Variants in EPB41L5 observed in about 807,000 individuals in gnomAD.
EPB41L5 encodes the protein erythrocyte membrane protein band 4.1 like 5.
A neutral mutation model predicts 106.6 loss-of-function variants in EPB41L5; 55 were observed. The ratio of observed to expected loss-of-function variants is 0.52; its 90% CI spans 0.42 to 0.65. The LOEUF is 0.65. Among genes scored for constraint, EPB41L5 ranks in the 30% least tolerant of loss-of-function variants. The pLI, the probability that EPB41L5 is intolerant of heterozygous loss-of-function variation, is 0.00. For missense variants in EPB41L5, 871 were observed against 882.1 expected, an observed-to-expected ratio of 0.99 and a Z score of 0.16; for synonymous variants, 297 against 306.7, an observed-to-expected ratio of 0.97 and a Z score of 0.33.
chr2:120,168,071 C>T (rs1687496509), intron 24 of EPB41L5, 64 bp downstream of exon 24: 2 of 1,534,506 alleles, frequency 1.3e-6, no homozygotes, highest in Non-Finnish European at 1.8e-6. Context: ...AATAATAAAA[C>T]TTATTATCTC....
chr2:120,111,402 C>T (rs555021838), intron 16 of EPB41L5, among the ~76,000 whole-genome samples: 2 of 152,234 alleles, frequency 1.3e-5, no homozygotes, highest in South Asian at 2.1e-4. Flanking sequence ...TGTTGCTAAG[C>T]GTGTCTTGGG....
intron 16 of EPB41L5, among the ~76,000 whole-genome samples, chr2:120,122,495 G>A (rs1468625745): frequency 2.0e-5 from 3 of 152,120 alleles, no homozygotes; most frequent in South Asian, 2.1e-4. Context: ...TAGATGTGTG[G>A]TGTTATTTCT....
chr2:120,052,219 C>G (rs1680335461), intron 3 of EPB41L5, among the ~76,000 whole-genome samples: 1 of 152,150 alleles, frequency 6.6e-6, no homozygotes, highest in Non-Finnish European at 1.5e-5. Context: ...GACTTTGAAG[C>G]TTTTGAAGAT....
In EPB41L5 at chr2:120,127,614, A is replaced by G. The variant is rs1336391422; in HGVS notation, c.1338-74A>G. 3.2e-6 allele frequency: 4 copies of G among 1,236,612 alleles called. No individual in the cohort carries two copies. The East Asian group carries it at 9.9e-5, about 31-fold the overall frequency. 76.6% of individuals were successfully genotyped at this position (1,236,612 alleles called of 1,614,324 possible). Reference sequence around the variant, plus strand: ...CACAGATGTGGTGGAAATTGCAGATACAGAGGGTGAGTAGTGTTTTAATTT... The same window carrying G: ...CACAGATGTGGTGGAAATTGCAGATGCAGAGGGTGAGTAGTGTTTTAATTT... On this transcript the variant is annotated intron_variant, in intron 16 of 24. Transcript: ENST00000263713.
At chr2:120,129,241 C>CAT (rs1685592801) in intron 17 of EPB41L5, among the ~76,000 whole-genome samples, 1 of 151,634 alleles carries the variant, frequency 6.6e-6, no homozygotes, top group South Asian at 2.1e-4. Context: ...GAGGCTGAGA[C>CAT]ATGAGAATCG....
rs181593228 is a variant in EPB41L5, at chr2:120,040,060, G to A, written c.181-1946G>A. The stretch of plus-strand genomic sequence containing the variant: ...TATTACTAAAGCTTTCTGAACTTTT[G>A]TCTGTGCTTTTTATATATATATATA... On this transcript the variant is annotated intron_variant, in intron 2 of 24. Transcript: ENST00000263713. Among the ~76,000 whole-genome samples, 687 of 148,494 alleles carry A rather than the reference G, an allele frequency of 4.6e-3. 6 individuals carry two copies. The highest frequency in any genetic ancestry group is 0.015 in the African/African-American group (589 of 39,960).
chr2:120,048,463 T>A (rs1192467307), intron 3 of EPB41L5, among the ~76,000 whole-genome samples: 1 of 152,198 alleles, frequency 6.6e-6, no homozygotes, highest in Admixed American at 6.5e-5. Flanking sequence ...GTTTATAGTA[T>A]TCTCTGATGG....
chr2:120,039,757 G>A (rs889313430), intron 2 of EPB41L5, among the ~76,000 whole-genome samples: 28 of 151,680 alleles, frequency 1.8e-4, no homozygotes, highest in Non-Finnish European at 3.2e-4. Context: ...CCCAGGAAGC[G>A]GAGGTTTCAG....
intron 20 of EPB41L5, among the ~76,000 whole-genome samples, chr2:120,151,610 CTT>C (rs529496809): frequency 2.7e-4 from 32 of 116,760 alleles, no homozygotes; most frequent in Admixed American, 3.3e-4. Context: ...GCGTCTGGCC[CTT>C]TTTTTTTTTT....
chr2:120,041,989 T>C lies in EPB41L5; in HGVS notation c.181-17T>C, dbSNP rs770095237. 11 of 1,579,218 alleles carry C rather than the reference T, an allele frequency of 7.0e-6. No homozygotes were observed. Among genetic ancestry groups the C allele is most frequent in the South Asian group, 4.5e-5 (4 of 89,360 alleles). On this transcript the variant is annotated splice_polypyrimidine_tract_variant and intron_variant, in intron 2 of 24. Coordinates refer to ENST00000263713, the MANE Select transcript of EPB41L5 (RefSeq NM_020909.4). ...TATAAACCACTTATTGATTTACTTA[T>C]TATCTTGCCATTTCAGAAAAAAGCC...
At chr2:120,110,887 C>T (rs1684698565) in intron 16 of EPB41L5, among the ~76,000 whole-genome samples, 2 of 152,074 alleles carry the variant, frequency 1.3e-5, no homozygotes, top group African/African-American at 2.4e-5. Flanking sequence ...CCTGATCTGC[C>T]CGCCTTGGCC....
chr2:120,160,713 A>C (rs1031509100), intron 20 of EPB41L5, 168 bp from the exon 21 acceptor site: 1 of 584,440 alleles, frequency 1.7e-6, no homozygotes. Context: ...GAGCGAGATG[A>C]TGTCTCATCA....
intron 1 of EPB41L5, among the ~76,000 whole-genome samples, chr2:120,017,053 C>G (rs1713070): frequency 1 from 151,982 of 152,342 alleles, 75,813 homozygotes; most frequent in Middle Eastern, 1. Flanking sequence ...TAATATGGTA[C>G]TATCTTAAAA....
chr2:120,053,731 A>T (rs2105257012), intron 3 of EPB41L5, among the ~76,000 whole-genome samples: 1 of 152,228 alleles, frequency 6.6e-6, no homozygotes, highest in South Asian at 2.1e-4. Context: ...TCATCCATTG[A>T]TGGACATTTG....
chr2:120,154,579 T>C (rs1319320224), intron 20 of EPB41L5, among the ~76,000 whole-genome samples: 2 of 152,206 alleles, frequency 1.3e-5, no homozygotes, highest in East Asian at 3.8e-4. Context: ...TGCAAAACCT[T>C]TGTTCTCCTG....
chr2:120,122,675 A>G (rs1006131087), intron 16 of EPB41L5, among the ~76,000 whole-genome samples: 7 of 152,256 alleles, frequency 4.6e-5, no homozygotes, highest in East Asian at 1.9e-4. Context: ...TTTTGGTTCC[A>G]TATGAACTTT....
chr2:120,162,371 TTG>T (rs1275186864), intron 21 of EPB41L5, among the ~76,000 whole-genome samples: 1 of 152,226 alleles, frequency 6.6e-6, no homozygotes, highest in Non-Finnish European at 1.5e-5. Flanking sequence ...CACTTACCAT[TTG>T]TCTTTTTTAT....
At chr2:120,085,457 T>C (rs1281342044) in intron 10 of EPB41L5, among the ~76,000 whole-genome samples, 4 of 152,182 alleles carry the variant, frequency 2.6e-5, no homozygotes, top group Non-Finnish European at 4.4e-5. Context: ...GCTGCCTGAT[T>C]GTTCCTCTTG....
At chr2:120,165,627 A>C (rs907418684) in intron 22 of EPB41L5, among the ~76,000 whole-genome samples, 1 of 152,162 alleles carries the variant, frequency 6.6e-6, no homozygotes, top group Admixed American at 6.5e-5. Context: ...ATGGATATGG[A>C]GGGCCAACTG....
Sources: allele counts gnomAD v4.1 joint callset (sites outside exome capture counted in the v4.1 genomes callset), GRCh38; gene constraint gnomAD v4.1.1; transcripts MANE v1.5; gene names NCBI Gene and HGNC (gene_info 2026-07-23, HGNC 2026-07-21).